Variants in RPS6KA6 observed in about 807,000 individuals in gnomAD.
The protein encoded by RPS6KA6 is ribosomal protein S6 kinase alpha-6.
Under a neutral mutation model 65.4 loss-of-function variants are expected in RPS6KA6, and 27 were observed. The observed-to-expected ratio is 0.41, with a 90% CI of 0.30 to 0.57. The LOEUF is 0.57. Ranked by LOEUF, RPS6KA6 falls within the 20% of genes least tolerant of loss-of-function variation. RPS6KA6 has a pLI of 0.24. For missense variants in RPS6KA6, 486 were observed against 555.6 expected, an observed-to-expected ratio of 0.87 and a Z score of 1.26; for synonymous variants, 190 against 184.2, an observed-to-expected ratio of 1.03 and a Z score of -0.26.
chrX:84,065,033 T>G lies in RPS6KA6; in HGVS notation c.2050A>C (p.Thr684Pro). The part of the protein sequence containing the change: ...AEQILKHSWI[T>P]HRDQLPNDQP... Reference sequence around the variant, plus strand: ...TCATTTGGCAACTGGTCTCTGTGAGTTATCCATGAGTGCTTTAATATTTGT... The same window carrying G: ...TCATTTGGCAACTGGTCTCTGTGAGGTATCCATGAGTGCTTTAATATTTGT... Residue 684 changes from threonine (T) to proline (P), a missense_variant, in exon 21 of 22, where the codon ACT becomes CCT. Physicochemically the swap from Thr to Pro is conservative, Grantham distance 38. Around this residue, in one of 3 missense-constraint regions of RPS6KA6, gnomAD observed 345 missense variants for 375.0 expected, o/e 0.92. Transcript: ENST00000262752. The G allele has an allele frequency of 2.5e-6, 3 of 1,202,519 alleles. No individual in the cohort carries two copies. Among genetic ancestry groups the G allele is most frequent in the Non-Finnish European group, 3.4e-6 (3 of 887,623 alleles).
intron 1 of RPS6KA6, 43 bp downstream of exon 1, chrX:84,187,776 G>A (rs771757498): frequency 4.3e-6 from 5 of 1,153,199 alleles, no homozygotes; most frequent in Non-Finnish European, 5.9e-6. Context: ...TGAGGGGAAG[G>A]AGGCGGGGGT....
At chrX:84,083,949 G>T (rs2033860909) in intron 20 of RPS6KA6, among the ~76,000 whole-genome samples, 2 of 112,226 alleles carry the variant, frequency 1.8e-5, no homozygotes, top group Admixed American at 1.9e-4. Context: ...TTGTGGTTTT[G>T]ATTTGCATTT....
chrX:84,152,775 T>C (rs745509137), intron 3 of RPS6KA6, among the ~76,000 whole-genome samples: 5 of 111,559 alleles, frequency 4.5e-5, no homozygotes, highest in Admixed American at 9.6e-5. Context: ...GACTAAATTA[T>C]GTCCCCTCAA....
At position 84,062,552 on chromosome X, in the gene RPS6KA6, T is replaced by A. The variant is rs2033317726; in HGVS notation, c.*1725A>T. The A allele has an allele frequency of 9.0e-6, 1 of 111,574 alleles. No individual in the cohort carries two copies. The highest frequency in any genetic ancestry group is 1.9e-5 in the Non-Finnish European group (1 of 52,945). The allele number at this position is 111,574 out of a possible 1,213,427, so 9.2% of individuals were successfully genotyped here. A position where few individuals can be genotyped will look rare whatever the true frequency, so the allele number is the denominator to read the frequency against. ...CCATAAGACATGATACCTAACTACT[T>A]CTAAGTAATTATTTTTCATGTGGCA... On this transcript the variant is annotated 3_prime_UTR_variant, in exon 22 of 22. Transcript: ENST00000262752.
chrX:84,100,896 A>G (rs1461142992), intron 18 of RPS6KA6, among the ~76,000 whole-genome samples: 2 of 110,990 alleles, frequency 1.8e-5, no homozygotes, highest in African/African-American at 6.5e-5. Flanking sequence ...CTGTTCTTCA[A>G]TATCAGTATA....
intron 8 of RPS6KA6, among the ~76,000 whole-genome samples, chrX:84,128,343 A>T (rs1238993611): frequency 8.9e-6 from 1 of 111,919 alleles, no homozygotes; most frequent in Non-Finnish European, 1.9e-5. Context: ...AAATGAGGCA[A>T]GAAATTGAGA....
At chrX:84,179,989 C>T (rs2035827014) in intron 1 of RPS6KA6, among the ~76,000 whole-genome samples, 1 of 111,578 alleles carries the variant, frequency 9.0e-6, no homozygotes, top group Non-Finnish European at 1.9e-5. Flanking sequence ...TTTGACTATT[C>T]TCAATTAGTA....
rs1191737057 is a variant in RPS6KA6 at position 84,140,758 on chromosome X, C to CAT, written c.501+4718_501+4719dup. ...CAAAAAAAAAAAAAAAAAAAACATA[C>CAT]ATATATATATATATAGTCAAACATG... On this transcript the variant is annotated intron_variant, in intron 6 of 21. Transcript: ENST00000262752. Among the ~76,000 whole-genome samples the CAT allele has an allele frequency of 1.4e-3, 114 of 79,315 alleles. 1 individual carries two copies. Among genetic ancestry groups the CAT allele is most frequent in the South Asian group, 0.013 (20 of 1,567 alleles). The allele number at this position is 79,315 out of a possible 115,157, so 68.9% of individuals were successfully genotyped here.
At chrX:84,171,711 C>T (rs907985043) in intron 1 of RPS6KA6, among the ~76,000 whole-genome samples, 4 of 111,273 alleles carry the variant, frequency 3.6e-5, no homozygotes, top group South Asian at 3.8e-4. Flanking sequence ...ATGTGATGAA[C>T]GTGCAGGTTT....
Position 84,187,930 on chromosome X carries a change from G to A in RPS6KA6, c.-31C>T. ...CTTCAGGAGCACTCAAACAGGAGCT[G>A]CCGCCTACCGCTGGCGCGGCCGCGC... On this transcript the variant is annotated 5_prime_UTR_variant, in exon 1 of 22. It introduces an in-frame stop codon into an upstream open reading frame of the 5' UTR. Transcript: ENST00000262752. The A allele has an allele frequency of 1.8e-6, 2 of 1,137,476 alleles. No homozygotes were observed. The highest frequency in any genetic ancestry group is 6.7e-5 in the East Asian group (2 of 29,696). The allele number at this position is 1,137,476 out of a possible 1,213,427, so 93.7% of individuals were successfully genotyped here.
At chrX:84,074,954 G>A (rs1423959975) in intron 20 of RPS6KA6, among the ~76,000 whole-genome samples, 1 of 111,966 alleles carries the variant, frequency 8.9e-6, no homozygotes, top group Admixed American at 9.5e-5. Flanking sequence ...AAGACTCAAG[G>A]CCGGGCATGG....
rs2033296888 is a variant in RPS6KA6 at position 84,061,198 on chromosome X, A to G, written c.*3079T>C. The G allele has an allele frequency of 8.9e-6, 1 of 112,443 alleles. No individual in the cohort carries two copies. The highest frequency in any genetic ancestry group is 1.9e-5 in the Non-Finnish European group (1 of 53,189). 9.3% of individuals were successfully genotyped at this position (112,443 alleles called of 1,213,427 possible). ...CTTGTGGGCCTTAGGGCCAAGATAA[A>G]TGGTTGTTTTCCTTCTTCATATATG... On this transcript the variant is annotated 3_prime_UTR_variant, in exon 22 of 22. Coordinates refer to ENST00000262752, the MANE Select transcript of RPS6KA6 (RefSeq NM_014496.5).
At chrX:84,065,173 T>C in intron 20 of RPS6KA6, 62 bp from the exon 21 acceptor site, 1 of 837,884 alleles carries the variant, frequency 1.2e-6, no homozygotes, top group African/African-American at 2.1e-5. Flanking sequence ...ATTTTACATT[T>C]GCTGAAAATG....
chrX:84,091,405 T>G (rs2034041645), intron 20 of RPS6KA6, among the ~76,000 whole-genome samples: 1 of 112,524 alleles, frequency 8.9e-6, no homozygotes, highest in African/African-American at 3.2e-5. Context: ...ATAAGTATGT[T>G]ATTTAAGGCT....
At chrX:84,154,654 T>A (rs188431508) in intron 3 of RPS6KA6, among the ~76,000 whole-genome samples, 6,680 of 109,705 alleles carry the variant, frequency 0.061, 225 homozygotes, top group East Asian at 0.2. Context: ...CCCCACCAAC[T>A]TCATCACCAC....
chrX:84,140,058 T>A lies in RPS6KA6; in HGVS notation c.502-4848A>T, dbSNP rs541736915. 2.3e-4 allele frequency among the ~76,000 whole-genome samples: 26 copies of A among 111,427 alleles called. No homozygotes were observed. The South Asian group carries it at 9.8e-3, about 42-fold the overall frequency. ...GAGAACTCTGTAGATATGCAGACAG[T>A]CTCCTTCAAGTATTCAGTGGAGAAA... On this transcript the variant is annotated intron_variant, in intron 6 of 21. Coordinates refer to ENST00000262752, the MANE Select transcript of RPS6KA6 (RefSeq NM_014496.5).
chrX:84,173,701 A>AGGCT, intron 1 of RPS6KA6, among the ~76,000 whole-genome samples: 1 of 111,423 alleles, frequency 9.0e-6, no homozygotes, highest in Middle Eastern at 4.7e-3. Context: ...GTGTCGCCCC[A>AGGCT]GGCTGCAGTG....
chrX:84,096,042 T>C (rs1602401112), intron 20 of RPS6KA6, 152 bp downstream of exon 20: 1 of 443,186 alleles, frequency 2.3e-6, no homozygotes, highest in East Asian at 4.0e-5. Context: ...AAAGTTATCC[T>C]TTGTACACTG....
At chrX:84,176,503 T>A (rs951490907) in intron 1 of RPS6KA6, among the ~76,000 whole-genome samples, 1 of 112,034 alleles carries the variant, frequency 8.9e-6, no homozygotes, top group African/African-American at 3.2e-5. Context: ...CTGAGTTATA[T>A]ATCAGGGTTA....
Sources: allele counts gnomAD v4.1 joint callset (sites outside exome capture counted in the v4.1 genomes callset), GRCh38; gene constraint gnomAD v4.1.1; regional missense constraint gnomAD v4.1.1; transcripts MANE v1.5; gene names NCBI Gene and HGNC (gene_info 2026-07-23, HGNC 2026-07-21).